MSH4: variants seen among roughly 807,000 people sequenced by gnomAD.
MSH4 encodes mutS protein homolog 4.
A neutral mutation model predicts 113.7 loss-of-function variants in MSH4; 106 were observed. That is an observed-to-expected ratio of 0.93 (90% CI 0.80 to 1.10). MSH4 has a LOEUF of 1.10. Among genes scored for constraint, MSH4 ranks in the 50% least tolerant of loss-of-function variants. The pLI is 0.00. For missense variants in MSH4, 1,061 were observed against 1,093.7 expected, an observed-to-expected ratio of 0.97 and a Z score of 0.42; for synonymous variants, 368 against 380.2, an observed-to-expected ratio of 0.97 and a Z score of 0.37.
In MSH4 at chr1:75,912,900, T is replaced by C; in HGVS notation, c.*13T>C. ...GACTGAAGAATAATCACAATTCTAA[T>C]GTAATAATATATCTTAATTCAAGGA... On this transcript the variant is annotated 3_prime_UTR_variant, in exon 20 of 20. Transcript: ENST00000263187. 2.8e-6 allele frequency: 4 copies of C among 1,439,632 alleles called. No homozygotes were observed. Among genetic ancestry groups the C allele is most frequent in the Middle Eastern group, 1.8e-4 (1 of 5,510 alleles). The allele number at this position is 1,439,632 out of a possible 1,614,324, so 89.2% of individuals were successfully genotyped here.
chr1:75,825,867 A>G (rs1650538512), intron 7 of MSH4, among the ~76,000 whole-genome samples: 2 of 152,184 alleles, frequency 1.3e-5, no homozygotes, highest in Admixed American at 1.3e-4. Flanking sequence ...TCGGTTTGCC[A>G]GTATTTTACT....
chr1:75,846,103 A>AG (rs5745395), intron 7 of MSH4, among the ~76,000 whole-genome samples: 31,192 of 151,946 alleles, frequency 0.21, 3,742 homozygotes, highest in African/African-American at 0.3. Context: ...GCAGAGTTCC[A>AG]AGGTGCTGCA....
intron 19 of MSH4, among the ~76,000 whole-genome samples, chr1:75,908,141 T>A (rs1387306795): frequency 1.4e-5 from 2 of 143,106 alleles, no homozygotes; most frequent in Non-Finnish European, 3.0e-5. Flanking sequence ...TTTAAAAACT[T>A]TCATCTGTTT....
At chr1:75,817,744 C>T (rs1650322974) in intron 6 of MSH4, among the ~76,000 whole-genome samples, 1 of 151,676 alleles carries the variant, frequency 6.6e-6, no homozygotes, top group Non-Finnish European at 1.5e-5. Flanking sequence ...ATTTCTATAA[C>T]AAATGGGAGG....
chr1:75,825,600 T>C (rs1650529359), intron 7 of MSH4, among the ~76,000 whole-genome samples: 1 of 152,168 alleles, frequency 6.6e-6, no homozygotes, highest in African/African-American at 2.4e-5. Context: ...GGCTGTGGGT[T>C]TGTCATAAAT....
Position 75,797,108 on chromosome 1 carries a change from C to G in MSH4, c.123C>G (p.Ser41Arg). 6.2e-7 allele frequency: 1 copy of G among 1,614,006 alleles called. No homozygotes were observed. The highest frequency in any genetic ancestry group is 1.1e-5 in the South Asian group (1 of 91,088). Residue 41 changes from serine to arginine, a missense_variant, in exon 1 of 20, where the codon AGC (serine) becomes AGG (arginine). Coordinates refer to ENST00000263187, the MANE Select transcript of MSH4 (RefSeq NM_002440.4). ...TCGGACTCCAGGAGACTCCACAGAG[C>G]CGCCCTTCGGTCCAGGTGGTCTCTG... ...YNFGLQETPQ[S>R]RPSVQVVSAS... is the part of the protein sequence containing the mutation.
intron 7 of MSH4, among the ~76,000 whole-genome samples, chr1:75,823,904 C>G (rs1377575207): frequency 6.6e-6 from 1 of 152,010 alleles, no homozygotes; most frequent in East Asian, 1.9e-4. Context: ...GGTTCCAAGC[C>G]TTTGCTATTG....
At chr1:75,837,154 C>T (rs1650847089) in intron 7 of MSH4, among the ~76,000 whole-genome samples, 1 of 152,132 alleles carries the variant, frequency 6.6e-6, no homozygotes, top group Non-Finnish European at 1.5e-5. Flanking sequence ...ATAAGAGAAG[C>T]TCAAGGGAGA....
chr1:75,906,507 A>ATATACATATTATATATTAT (rs796473905), intron 19 of MSH4, among the ~76,000 whole-genome samples: 1 of 862 alleles, frequency 1.2e-3, no homozygotes. Flanking sequence ...ATATATATAT[A>ATATACATATTATATATTAT]ATATATAATA....
At chr1:75,889,879 A>C (rs968859000) in intron 16 of MSH4, among the ~76,000 whole-genome samples, 2 of 152,092 alleles carry the variant, frequency 1.3e-5, no homozygotes, top group African/African-American at 4.8e-5. Context: ...CTGTATTATG[A>C]ATTTAGGATC....
chr1:75,845,100 C>T (rs1651047674), intron 7 of MSH4, among the ~76,000 whole-genome samples: 1 of 152,224 alleles, frequency 6.6e-6, no homozygotes, highest in African/African-American at 2.4e-5. Context: ...ACCTAATCAC[C>T]CTTTAAAGGT....
chr1:75,800,427 T>G (rs1649910098), intron 1 of MSH4, among the ~76,000 whole-genome samples: 1 of 152,186 alleles, frequency 6.6e-6, no homozygotes, highest in Admixed American at 6.5e-5. Context: ...TGATCAGATT[T>G]GCTTTTCAGA....
At chr1:75,851,040 C>G (rs1651175984) in intron 8 of MSH4, among the ~76,000 whole-genome samples, 1 of 152,098 alleles carries the variant, frequency 6.6e-6, no homozygotes, top group Admixed American at 6.6e-5. Context: ...CATATCTTTA[C>G]CATCCTTTTG....
Position 75,883,765 on chromosome 1 carries a change from G to A in MSH4, c.2051G>A (p.Ser684Asn). ...TTGATCATAACTGGACCAAACATGA[G>A]TGGAAAATCCACATATTTAAAACAG... The part of the protein sequence containing the change: ...NFLIITGPNM[S>N]GKSTYLKQIA... Residue 684 changes from serine to asparagine, a missense_variant, in exon 15 of 20, where the codon AGT (serine) becomes AAT (asparagine). Coordinates refer to ENST00000263187, the MANE Select transcript of MSH4 (RefSeq NM_002440.4). 2 of 1,613,236 alleles carry A rather than the reference G, an allele frequency of 1.2e-6. No individual in the cohort carries two copies. The highest frequency in any genetic ancestry group is 1.7e-6 in the Non-Finnish European group (2 of 1,179,584).
At chr1:75,903,693 AT>A (rs1366352436) in intron 19 of MSH4, among the ~76,000 whole-genome samples, 5 of 152,058 alleles carry the variant, frequency 3.3e-5, no homozygotes, top group Non-Finnish European at 5.9e-5. Context: ...CAGTCCATAA[AT>A]GGGATTTCTT....
At chr1:75,885,231 A>G (rs906369942) in intron 15 of MSH4, among the ~76,000 whole-genome samples, 5 of 143,292 alleles carry the variant, frequency 3.5e-5, no homozygotes, top group African/African-American at 1.3e-4. Flanking sequence ...TATATAATAT[A>G]AATATATATA....
In MSH4 at chr1:75,815,003, A is replaced by T; in HGVS notation, c.700-18A>T. The T allele has an allele frequency of 6.7e-7, 1 of 1,498,880 alleles. No homozygotes were observed. Among genetic ancestry groups the T allele is most frequent in the Non-Finnish European group, 9.3e-7 (1 of 1,080,274 alleles). The allele number at this position is 1,498,880 out of a possible 1,614,324, so 92.8% of individuals were successfully genotyped here. On this transcript the variant is annotated intron_variant, in intron 4 of 19. Coordinates refer to ENST00000263187, the MANE Select transcript of MSH4 (RefSeq NM_002440.4). ...ATGGCACTTCAAACTTTATTTTGAA[A>T]TTAAAACTTCTTTTCAGAATGTTAA...
chr1:75,823,141 G>A (rs950267562), intron 7 of MSH4, among the ~76,000 whole-genome samples: 1 of 152,102 alleles, frequency 6.6e-6, no homozygotes, highest in African/African-American at 2.4e-5. Context: ...TGGCTCACAG[G>A]TTTGTCATTG....
chr1:75,847,410 A>C (rs1651097390), intron 7 of MSH4, among the ~76,000 whole-genome samples: 1 of 152,176 alleles, frequency 6.6e-6, no homozygotes, highest in East Asian at 1.9e-4. Flanking sequence ...TATACTTTTA[A>C]ACTAAGGATC....
Sources: gnomAD v4.1 joint callset for allele counts (sites outside exome capture counted in the v4.1 genomes callset) on GRCh38, gnomAD v4.1.1 for gene constraint, MANE v1.5 for transcripts, NCBI Gene and HGNC (gene_info 2026-07-23, HGNC 2026-07-21) for gene names.